Variants in MYO18B observed in about 807,000 individuals in gnomAD.
The protein encoded by MYO18B is unconventional myosin-XVIIIb.
Under a neutral mutation model 273.0 loss-of-function variants are expected in MYO18B, and 204 were observed. The ratio of observed to expected loss-of-function variants is 0.75; its 90% CI spans 0.67 to 0.84. The LOEUF is 0.84. Among genes scored for constraint, MYO18B ranks in the 40% least tolerant of loss-of-function variants. The probability of loss-of-function intolerance (pLI) is 0.00; values close to 1 mark genes in which losing one functional copy is unlikely to be tolerated. For missense variants in MYO18B, 3,212 were observed against 3,287.6 expected (o/e 0.98, Z 0.56); for synonymous variants, 1,330 against 1,305.7 (o/e 1.02, Z -0.40).
chr22:25,770,023 G>C, intron 4 of MYO18B, 87 bp from the exon 5 acceptor site: 1 of 1,363,048 alleles, frequency 7.3e-7, no homozygotes, highest in African/African-American at 1.4e-5. Flanking sequence ...GATGGCTCCA[G>C]AGCACACTGT....
chr22:25,995,545 TTAAAAA>T (rs1442700910), intron 40 of MYO18B, among the ~76,000 whole-genome samples: 2 of 151,838 alleles, frequency 1.3e-5, no homozygotes, highest in Non-Finnish European at 2.9e-5. Flanking sequence ...CCCACAAAAA[TTAAAAA>T]TAAAAACATT....
chr22:25,850,404 A>G (rs575324664), intron 20 of MYO18B, among the ~76,000 whole-genome samples: 38 of 152,124 alleles, frequency 2.5e-4, no homozygotes, highest in African/African-American at 8.9e-4. Flanking sequence ...GACAGTTACT[A>G]TTTTGTGTTG....
intron 34 of MYO18B, among the ~76,000 whole-genome samples, chr22:25,921,860 A>T (rs2092352783): frequency 6.8e-6 from 1 of 146,678 alleles, no homozygotes; most frequent in African/African-American, 2.6e-5. Context: ...GTGTGTGGTG[A>T]CTGCCAGGAC....
chr22:25,998,181 G>C (rs1933543971), intron 40 of MYO18B, among the ~76,000 whole-genome samples: 3 of 152,218 alleles, frequency 2.0e-5, no homozygotes, highest in Non-Finnish European at 4.4e-5. Flanking sequence ...TCCTGCACTA[G>C]AGCCCTGCAT....
rs398036691 is a variant in MYO18B at position 25,814,294 on chromosome 22, C to CTTTTTTTTTT, written c.2522-9177_2522-9168dup. Among the ~76,000 whole-genome samples the CTTTTTTTTTT allele has an allele frequency of 8.4e-4, 50 of 59,494 alleles. 2 individuals carry two copies. Among genetic ancestry groups the CTTTTTTTTTT allele is most frequent in the Middle Eastern group, 0.014 (1 of 72 alleles). The allele number at this position is 59,494 out of a possible 152,430, so 39.0% of individuals were successfully genotyped here. ...GCTTGCCATGCTCCCAGGCACCGTT[C>CTTTTTTTTTT]TTTTTTTTTTTTTTTTTTTTTTTTT... On this transcript the variant is annotated intron_variant, in intron 12 of 43. Coordinates refer to ENST00000335473, the MANE Select transcript of MYO18B (RefSeq NM_032608.7).
intron 39 of MYO18B, among the ~76,000 whole-genome samples, chr22:25,974,097 A>G (rs1211309137): frequency 6.6e-6 from 1 of 152,068 alleles, no homozygotes; most frequent in East Asian, 1.9e-4. Flanking sequence ...AAATTAATTT[A>G]CTCACTAAAC....
intron 39 of MYO18B, among the ~76,000 whole-genome samples, chr22:25,969,094 G>A (rs917189894): frequency 2.0e-5 from 3 of 152,152 alleles, no homozygotes; most frequent in African/African-American, 7.2e-5. Context: ...TACTACCTCT[G>A]TGGGCAACAA....
rs748748623 is a variant in MYO18B, at chr22:25,777,570, G to A, written c.1870-13G>A. 3 of 1,572,990 alleles carry A rather than the reference G, an allele frequency of 1.9e-6. No homozygotes were observed. The South Asian group carries it at 3.6e-5, about 19-fold the overall frequency. Reference sequence around the variant, plus strand: ...GCTGGATGGGATGGCTGATACCTGTGATCTTCCTGCAGGTGCCCAAGGGCC... The same window carrying A: ...GCTGGATGGGATGGCTGATACCTGTAATCTTCCTGCAGGTGCCCAAGGGCC... On this transcript the variant is annotated splice_polypyrimidine_tract_variant and intron_variant, in intron 7 of 43. Coordinates refer to ENST00000335473, the MANE Select transcript of MYO18B (RefSeq NM_032608.7).
intron 11 of MYO18B, among the ~76,000 whole-genome samples, chr22:25,794,961 A>G (rs1456743622): frequency 6.6e-6 from 1 of 152,202 alleles, no homozygotes; most frequent in Non-Finnish European, 1.5e-5. Flanking sequence ...TTCTCTTACC[A>G]TGTTAGTTTC....
intron 36 of MYO18B, among the ~76,000 whole-genome samples, chr22:25,948,448 TTCC>T (rs2092746437): frequency 1.5e-5 from 2 of 131,176 alleles, no homozygotes; most frequent in Admixed American, 7.4e-5. Flanking sequence ...CCTTCCTTCC[TTCC>T]TTCCTTCCTT....
chr22:26,046,156 G>A, the MYO18B span, among the ~76,000 whole-genome samples: 8 of 152,194 alleles, frequency 5.3e-5, no homozygotes, highest in African/African-American at 1.9e-4. Context: ...CAGCTGTTGA[G>A]GGTTAGGGGA....
chr22:26,003,082 T>C (rs1934109528), intron 40 of MYO18B, among the ~76,000 whole-genome samples, 183 bp from the exon 41 acceptor site: 1 of 152,058 alleles, frequency 6.6e-6, no homozygotes, highest in Admixed American at 6.5e-5. Context: ...CAGAGCCCCA[T>C]TATTTGCCAC....
intron 29 of MYO18B, 172 bp downstream of exon 29, chr22:25,898,633 C>T (rs2091864945): frequency 1.5e-6 from 1 of 665,674 alleles, no homozygotes; most frequent in Non-Finnish European, 2.4e-6. Context: ...CCCAAGAATC[C>T]AGCAAGAAAT....
intron 1 of MYO18B, 57 bp from the exon 2 acceptor site, chr22:25,760,927 G>T: frequency 1.3e-6 from 1 of 744,316 alleles, no homozygotes; most frequent in South Asian, 1.7e-5. Flanking sequence ...GAGTAGGGCT[G>T]TGCCCATGAG....
the MYO18B span, among the ~76,000 whole-genome samples, chr22:26,039,400 A>G: frequency 6.6e-6 from 1 of 152,056 alleles, no homozygotes; most frequent in African/African-American, 2.4e-5. Context: ...TTATTCATTC[A>G]TATGCTCACT....
intron 40 of MYO18B, among the ~76,000 whole-genome samples, chr22:25,997,727 C>T (rs1282924468): frequency 1.3e-5 from 2 of 152,020 alleles, no homozygotes; most frequent in African/African-American, 2.4e-5. Context: ...GGCTGTAAAT[C>T]CACCGTCCAT....
In MYO18B at chr22:25,905,676, C is replaced by T. The variant is rs893104278; in HGVS notation, c.5148+1845C>T. On this transcript the variant is annotated intron_variant, in intron 31 of 43. Coordinates refer to ENST00000335473, the MANE Select transcript of MYO18B (RefSeq NM_032608.7). ...TATTCAAGGAGCTGTAATACGGGGT[C>T]TTTGAGGCAGCTTGTTGCCTGTATG... Among the ~76,000 whole-genome samples the T allele has an allele frequency of 3.3e-5, 5 of 152,148 alleles. No homozygotes were observed. In the South Asian group the frequency reaches 6.2e-4, roughly 19 times the overall value.
intron 42 of MYO18B, among the ~76,000 whole-genome samples, chr22:26,025,502 C>A (rs969382730): frequency 6.6e-6 from 1 of 152,226 alleles, no homozygotes; most frequent in Non-Finnish European, 1.5e-5. Flanking sequence ...ATTGGAAACC[C>A]GCGTGTGCAT....
Position 25,891,334 on chromosome 22 carries a change from G to T in MYO18B, c.4465G>T (p.Gly1489Ter). Residue 1489 changes from glycine (G) to a stop codon, truncating the protein, a stop_gained, in exon 27 of 44, where the codon GGA becomes TGA. Coordinates refer to ENST00000335473, the MANE Select transcript of MYO18B (RefSeq NM_032608.7). LOFTEE classifies it high-confidence loss of function. The part of the protein sequence containing the change: ...SKHEQVQKKL[G>*]DVNKQLEEAQ... ...GCATGAACAAGTCCAGAAAAAACTG[G>T]GAGATGTGAATAAACAGTTGGAAGA... The T allele has an allele frequency of 3.2e-6, 5 of 1,580,148 alleles. No individual in the cohort carries two copies. Among genetic ancestry groups the T allele is most frequent in the Non-Finnish European group, 4.3e-6 (5 of 1,162,678 alleles).
Sources: allele counts gnomAD v4.1 joint callset (sites outside exome capture counted in the v4.1 genomes callset), GRCh38; gene constraint gnomAD v4.1.1; transcripts MANE v1.5; gene names NCBI Gene and HGNC (gene_info 2026-07-23, HGNC 2026-07-21).